CBLN2: variants seen among roughly 807,000 people sequenced by gnomAD.
CBLN2 encodes cerebellin 2 precursor, also known as cerebellin-2.
In CBLN2, 7 loss-of-function variants were observed where a neutral mutation model predicts 15.0. The observed-to-expected ratio is 0.47, with a 90% confidence interval of 0.27 to 0.88. The LOEUF (loss-of-function observed/expected upper bound fraction) is 0.88. CBLN2 is among the 40% of genes least tolerant of loss of function. The pLI is 0.14. For synonymous variants in CBLN2, 149 were observed against 135.2 expected, an observed-to-expected ratio of 1.10 and a Z score of -0.71; for missense variants, 242 against 304.5, an observed-to-expected ratio of 0.79 and a Z score of 1.53.
At chr18:72,598,368 C>G (rs2069526367) in intron 1 of CBLN2, among the ~76,000 whole-genome samples, 1 of 152,168 alleles carries the variant, frequency 6.6e-6, no homozygotes, top group South Asian at 2.1e-4. Context: ...GAATGAGGGC[C>G]TCGGGACTCT....
chr18:72,608,019 T>C (rs2069595171), intron 1 of CBLN2, among the ~76,000 whole-genome samples: 1 of 152,232 alleles, frequency 6.6e-6, no homozygotes, highest in East Asian at 1.9e-4. Flanking sequence ...CAACTTCTTA[T>C]CTATTTTCCA....
chr18:72,626,914 A>G (rs2069743417), intron 1 of CBLN2, among the ~76,000 whole-genome samples: 1 of 152,102 alleles, frequency 6.6e-6, no homozygotes, highest in African/African-American at 2.4e-5. Flanking sequence ...CCTCATTTCA[A>G]TATTTTGGCT....
At chr18:72,635,446 C>T (rs1298631629) in intron 1 of CBLN2, among the ~76,000 whole-genome samples, 1 of 152,038 alleles carries the variant, frequency 6.6e-6, no homozygotes, top group East Asian at 1.9e-4. Context: ...ATGAAGAATG[C>T]CTTTCAAAGT....
At chr18:72,630,748 T>G (rs1390209527) in intron 1 of CBLN2, among the ~76,000 whole-genome samples, 1 of 152,154 alleles carries the variant, frequency 6.6e-6, no homozygotes, top group African/African-American at 2.4e-5. Context: ...CTGCAATCAT[T>G]TTAATATCTG....
chr18:72,574,388 T>C (rs1053956277), intron 1 of CBLN2, among the ~76,000 whole-genome samples: 19 of 152,204 alleles, frequency 1.2e-4, no homozygotes, highest in African/African-American at 4.1e-4. Context: ...AGGAGTTTTA[T>C]GGTTTAGGCA....
chr18:72,551,889 A>C (rs192140968), intron 1 of CBLN2, among the ~76,000 whole-genome samples: 1 of 152,276 alleles, frequency 6.6e-6, no homozygotes, highest in Admixed American at 6.5e-5. Context: ...TAAACTTAGA[A>C]GGCCAACTTT....
chr18:72,550,591 A>T (rs760206774), intron 1 of CBLN2, among the ~76,000 whole-genome samples: 32 of 152,246 alleles, frequency 2.1e-4, no homozygotes, highest in Non-Finnish European at 3.8e-4. Context: ...TAGACGTTGA[A>T]GCCTAAGCAA....
chr18:72,546,036 A>G (rs1215344395), upstream of CBLN2, among the ~76,000 whole-genome samples: 2 of 152,248 alleles, frequency 1.3e-5, no homozygotes, highest in Non-Finnish European at 2.9e-5. Flanking sequence ...TAAACAGGTT[A>G]GGTTTAATTT....
At chr18:72,569,293 A>C (rs900787991) in intron 1 of CBLN2, among the ~76,000 whole-genome samples, 6 of 149,452 alleles carry the variant, frequency 4.0e-5, no homozygotes, top group African/African-American at 7.7e-5. Flanking sequence ...TATAGACATC[A>C]TTTTAAGATA....
rs561673444 is a variant in CBLN2 at position 72,596,109 on chromosome 18, C to T, written c.15+42216G>A. Reference sequence around the variant, plus strand: ...GTTGTTTTGTGGTCTTCTCTTCCTTCTTTCTTTCCTTCCAGTCTTCCTTTT... The same window carrying T: ...GTTGTTTTGTGGTCTTCTCTTCCTTTTTTCTTTCCTTCCAGTCTTCCTTTT... On this transcript the variant is annotated intron_variant, in intron 1 of 2. Coordinates refer to the CBLN2 transcript ENST00000581073. Among the ~76,000 whole-genome samples the T allele has an allele frequency of 2.3e-4, 35 of 152,100 alleles. 1 individual carries two copies. In the South Asian group the frequency reaches 6.4e-3, roughly 28 times the overall value.
intron 1 of CBLN2, among the ~76,000 whole-genome samples, chr18:72,601,533 C>T (rs1004385231): frequency 2.0e-5 from 3 of 152,130 alleles, no homozygotes; most frequent in Non-Finnish European, 2.9e-5. Flanking sequence ...GGAGTGGAGG[C>T]GCCTGTTAGC....
At chr18:72,599,081 G>T (rs1440875635) in intron 1 of CBLN2, among the ~76,000 whole-genome samples, 1 of 152,132 alleles carries the variant, frequency 6.6e-6, no homozygotes, top group Non-Finnish European at 1.5e-5. Context: ...GATTCATTTT[G>T]GTGCTCCTGT....
chr18:72,557,866 C>T (rs2069236420), intron 1 of CBLN2, among the ~76,000 whole-genome samples: 1 of 152,096 alleles, frequency 6.6e-6, no homozygotes. Flanking sequence ...ACATGTTTAC[C>T]TACGTAACAA....
chr18:72,563,406 G>T (rs1172186341), intron 1 of CBLN2, among the ~76,000 whole-genome samples: 2 of 152,118 alleles, frequency 1.3e-5, no homozygotes, highest in African/African-American at 4.8e-5. Flanking sequence ...AAACTAGTCT[G>T]TCTCTAGGAC....
intron 1 of CBLN2, among the ~76,000 whole-genome samples, chr18:72,574,335 G>A (rs959094933): frequency 1.3e-5 from 2 of 151,954 alleles, no homozygotes; most frequent in Non-Finnish European, 2.9e-5. Flanking sequence ...AGAAATCATC[G>A]CCACTTACAA....
chr18:72,543,258 C>A lies in CBLN2; in HGVS notation c.-167+228G>T. On this transcript the variant is annotated intron_variant, in intron 2 of 4. Coordinates refer to ENST00000269503, the MANE Select transcript of CBLN2 (RefSeq NM_182511.4). This position sits in a 1 kb window ranked among gnomAD's most constrained non-coding sequence, Gnocchi z 6.8. ...ACCAGCCCAGAGACACGCAGAGAAG[C>A]CGCCCCCTCGCCGCCCACAGCCTCC... The A allele has an allele frequency of 2.8e-6, 1 of 359,432 alleles. No homozygotes were observed. Among genetic ancestry groups the A allele is most frequent in the Non-Finnish European group, 5.0e-6 (1 of 201,704 alleles). The allele number at this position is 359,432 out of a possible 1,614,324, so 22.3% of individuals were successfully genotyped here. A position where few individuals can be genotyped will look rare whatever the true frequency, so the allele number is the denominator to read the frequency against.
At position 72,538,092 on chromosome 18, in the gene CBLN2, C is replaced by A. The variant is rs1333704933; in HGVS notation, c.*84G>T. The A allele has an allele frequency of 7.3e-7, 1 of 1,373,308 alleles. No individual in the cohort carries two copies. The highest frequency in any genetic ancestry group is 1.0e-6 in the Non-Finnish European group (1 of 968,972). The allele number at this position is 1,373,308 out of a possible 1,614,324, so 85.1% of individuals were successfully genotyped here. A position where few individuals can be genotyped will look rare whatever the true frequency, so the allele number is the denominator to read the frequency against. ...TGACGGAGGTTGGAAACAAGGTGTC[C>A]AATTCCAGTAAGTTCAGGGTGTTTT... On this transcript the variant is annotated 3_prime_UTR_variant, in exon 5 of 5. Transcript: ENST00000269503.
chr18:72,574,810 A>C (rs1403809237), intron 1 of CBLN2, among the ~76,000 whole-genome samples: 1 of 152,352 alleles, frequency 6.6e-6, no homozygotes. Flanking sequence ...AAAGTATGTC[A>C]TGATTACCAT....
chr18:72,563,151 C>G (rs1485026732), intron 1 of CBLN2, among the ~76,000 whole-genome samples: 2 of 152,094 alleles, frequency 1.3e-5, no homozygotes, highest in Non-Finnish European at 2.9e-5. Context: ...TGCTATGAAT[C>G]CAGAGATTAA....
Sources: allele counts gnomAD v4.1 joint callset (sites outside exome capture counted in the v4.1 genomes callset), GRCh38; gene constraint gnomAD v4.1.1; non-coding constraint Gnocchi (gnomAD v3.1); transcripts MANE v1.5; gene names NCBI Gene and HGNC (gene_info 2026-07-23, HGNC 2026-07-21).